The following ITGBL1 variants were observed in gnomAD, a reference collection of about 807,000 sequenced individuals.
The protein encoded by ITGBL1 is integrin beta-like protein 1.
A neutral mutation model predicts 68.5 loss-of-function variants in ITGBL1; 51 were observed. The observed-to-expected ratio is 0.74, with a 90% CI of 0.59 to 0.94. The LOEUF is 0.94. ITGBL1 is among the 40% of genes least tolerant of loss of function. The probability of loss-of-function intolerance (pLI) is 0.00; values close to 1 mark genes in which losing one functional copy is unlikely to be tolerated. For missense variants in ITGBL1, 649 were observed against 647.4 expected, an observed-to-expected ratio of 1.00 and a Z score of -0.03; for synonymous variants, 209 against 227.3, an observed-to-expected ratio of 0.92 and a Z score of 0.72.
chr13:101,638,164 T>A (rs1431168738), intron 7 of ITGBL1, among the ~76,000 whole-genome samples: 3 of 152,200 alleles, frequency 2.0e-5, no homozygotes, highest in African/African-American at 7.2e-5. Context: ...AGCTCAAGTC[T>A]TCCTCCTCAA....
At chr13:101,517,053 T>C (rs1483038891) in intron 2 of ITGBL1, among the ~76,000 whole-genome samples, 1 of 152,178 alleles carries the variant, frequency 6.6e-6, no homozygotes, top group Admixed American at 6.6e-5. Context: ...CCTTGGTCAC[T>C]AGGGAGAAAT....
chr13:101,641,023 G>A (rs1352859367), intron 7 of ITGBL1, among the ~76,000 whole-genome samples: 1 of 152,172 alleles, frequency 6.6e-6, no homozygotes, highest in Non-Finnish European at 1.5e-5. Flanking sequence ...TTTGAAATCT[G>A]CACTGCAGAA....
intron 2 of ITGBL1, among the ~76,000 whole-genome samples, chr13:101,479,673 A>G (rs1465978694): frequency 6.6e-6 from 1 of 152,134 alleles, no homozygotes; most frequent in Middle Eastern, 3.2e-3. Flanking sequence ...TATTTTTTGA[A>G]GACATACAAA....
intron 8 of ITGBL1, among the ~76,000 whole-genome samples, chr13:101,698,652 A>G (rs1047585645): frequency 6.6e-6 from 1 of 152,246 alleles, no homozygotes; most frequent in African/African-American, 2.4e-5. Flanking sequence ...GCATGGATTT[A>G]TTATCAGATA....
intron 7 of ITGBL1, among the ~76,000 whole-genome samples, chr13:101,628,787 T>C (rs556362007): frequency 5.9e-5 from 9 of 152,018 alleles, no homozygotes; most frequent in African/African-American, 1.9e-4. Flanking sequence ...ATATGATGGA[T>C]ATCTCTATTT....
chr13:101,703,688 A>G (rs1297318449), intron 8 of ITGBL1, among the ~76,000 whole-genome samples: 1 of 152,196 alleles, frequency 6.6e-6, no homozygotes, highest in Non-Finnish European at 1.5e-5. Context: ...GGGAAATTCA[A>G]ATGAGACTCA....
chr13:101,566,173 A>G (rs1041938778), intron 2 of ITGBL1, among the ~76,000 whole-genome samples: 7 of 152,164 alleles, frequency 4.6e-5, no homozygotes, highest in Non-Finnish European at 8.8e-5. Flanking sequence ...GAAACAGCTG[A>G]TATTCAACTT....
intron 4 of ITGBL1, among the ~76,000 whole-genome samples, chr13:101,578,124 T>C (rs886099368): frequency 7.2e-5 from 11 of 152,206 alleles, no homozygotes; most frequent in Non-Finnish European, 1.5e-4. Context: ...CTGCTGGACA[T>C]GAATAGCGTA....
intron 2 of ITGBL1, among the ~76,000 whole-genome samples, chr13:101,541,623 G>A (rs1255756408): frequency 6.8e-6 from 1 of 148,108 alleles, no homozygotes. Flanking sequence ...AGTTTCAGAA[G>A]GAATGGTACC....
At chr13:101,540,063 C>G (rs1208413278) in intron 2 of ITGBL1, among the ~76,000 whole-genome samples, 3 of 152,152 alleles carry the variant, frequency 2.0e-5, no homozygotes, top group African/African-American at 7.2e-5. Context: ...TTAATTAGAT[C>G]CCATTTGTCA....
chr13:101,573,606 A>G (rs971965211), intron 3 of ITGBL1, among the ~76,000 whole-genome samples: 1 of 152,276 alleles, frequency 6.6e-6, no homozygotes, highest in Admixed American at 6.5e-5. Context: ...TAGAAACATG[A>G]CTGGGTACAT....
At chr13:101,709,179 C>G (rs2034337389) in intron 9 of ITGBL1, among the ~76,000 whole-genome samples, 1 of 150,970 alleles carries the variant, frequency 6.6e-6, no homozygotes, top group African/African-American at 2.4e-5. Context: ...TCCTGGCTAA[C>G]AAGGTGAAAC....
chr13:101,542,095 T>C (rs1389253472), intron 2 of ITGBL1, among the ~76,000 whole-genome samples: 8 of 152,224 alleles, frequency 5.3e-5, no homozygotes, highest in Non-Finnish European at 8.8e-5. Flanking sequence ...TGCCTTCTGC[T>C]AGCTTTTGAA....
At chr13:101,504,979 A>C (rs2139094568) in intron 2 of ITGBL1, among the ~76,000 whole-genome samples, 1 of 152,318 alleles carries the variant, frequency 6.6e-6, no homozygotes, top group South Asian at 2.1e-4. Flanking sequence ...GGCAAAATAG[A>C]ACATTCAGCA....
chr13:101,621,491 CCTT>C (rs1337051561), intron 7 of ITGBL1, among the ~76,000 whole-genome samples: 9 of 152,002 alleles, frequency 5.9e-5, no homozygotes, highest in African/African-American at 1.9e-4. Flanking sequence ...GGGTTAGAGC[CCTT>C]CTTTTTTTTC....
chr13:101,559,208 A>G (rs1433436658), intron 2 of ITGBL1, among the ~76,000 whole-genome samples: 2 of 152,144 alleles, frequency 1.3e-5, no homozygotes, highest in African/African-American at 2.4e-5. Context: ...TCTGATCACA[A>G]TTAATTGATG....
At chr13:101,569,150 C>T in intron 3 of ITGBL1, among the ~76,000 whole-genome samples, 1 of 151,870 alleles carries the variant, frequency 6.6e-6, no homozygotes, top group Non-Finnish European at 1.5e-5. Context: ...CCCATAGCGT[C>T]TTTCATCTTG....
intron 7 of ITGBL1, among the ~76,000 whole-genome samples, chr13:101,623,860 G>T (rs2031679451): frequency 6.6e-6 from 1 of 152,086 alleles, no homozygotes; most frequent in Non-Finnish European, 1.5e-5. Flanking sequence ...TATACCTTCT[G>T]GCCTTCTGGG....
intron 7 of ITGBL1, among the ~76,000 whole-genome samples, chr13:101,653,027 T>C (rs1925989): frequency 0.94 from 142,716 of 151,838 alleles, 67,260 homozygotes; most frequent in Middle Eastern, 0.98. Context: ...ACCCGGGAGG[T>C]GGAGGTTGCA....
Sources: allele counts gnomAD v4.1 joint callset (sites outside exome capture counted in the v4.1 genomes callset), GRCh38; gene constraint gnomAD v4.1.1; transcripts MANE v1.5; gene names NCBI Gene and HGNC (gene_info 2026-07-23, HGNC 2026-07-21).